The following ANAPC10 variants were observed in gnomAD, a reference collection of about 807,000 sequenced individuals.
The protein encoded by ANAPC10 is anaphase promoting complex subunit 10, also known as anaphase-promoting complex subunit 10.
A neutral mutation model predicts 22.0 loss-of-function variants in ANAPC10; 12 were observed. The ratio of observed to expected loss-of-function variants is 0.55; its 90% CI spans 0.35 to 0.88. The LOEUF (loss-of-function observed/expected upper bound fraction) is 0.88. ANAPC10 is among the 40% of genes least tolerant of loss of function. ANAPC10 has a pLI of 0.01. For synonymous variants in ANAPC10, 65 were observed against 69.5 expected (o/e 0.94, Z 0.32); for missense variants, 188 against 220.9 (o/e 0.85, Z 0.94).
At chr4:145,087,260 T>C (rs1027624821) in intron 2 of ANAPC10, among the ~76,000 whole-genome samples, 9 of 152,294 alleles carry the variant, frequency 5.9e-5, no homozygotes, top group Non-Finnish European at 1.2e-4. Context: ...GAGACATATT[T>C]GAGCAGCCCA....
chr4:145,067,318 A>G (rs1246467630), intron 3 of ANAPC10, among the ~76,000 whole-genome samples: 1 of 152,178 alleles, frequency 6.6e-6, no homozygotes, highest in Non-Finnish European at 1.5e-5. Context: ...AATGCTCACT[A>G]TACGCCAGGC....
At chr4:145,052,137 G>A (rs551897560) in intron 4 of ANAPC10, among the ~76,000 whole-genome samples, 4 of 152,218 alleles carry the variant, frequency 2.6e-5, no homozygotes, top group South Asian at 2.1e-4. Context: ...GATGTTGGTC[G>A]AAGGACATAA....
chr4:145,066,347 GAAA>G (rs1260772398), intron 3 of ANAPC10, among the ~76,000 whole-genome samples: 1 of 152,144 alleles, frequency 6.6e-6, no homozygotes, highest in South Asian at 2.1e-4. Context: ...TGCTGAGCCA[GAAA>G]GGAGACAGGA....
intron 3 of ANAPC10, among the ~76,000 whole-genome samples, chr4:145,077,828 C>A (rs1407239193): frequency 6.6e-6 from 1 of 152,120 alleles, no homozygotes; most frequent in African/African-American, 2.4e-5. Flanking sequence ...CAACAATCAT[C>A]ATGTTAAAAA....
At chr4:145,090,137 C>A (rs1449764532) in intron 2 of ANAPC10, among the ~76,000 whole-genome samples, 1 of 152,152 alleles carries the variant, frequency 6.6e-6, no homozygotes, top group East Asian at 1.9e-4. Context: ...AGGATTGGTA[C>A]CAGGACCTCT....
chr4:145,089,702 T>C (rs1238251815), intron 2 of ANAPC10, among the ~76,000 whole-genome samples: 19 of 152,168 alleles, frequency 1.2e-4, no homozygotes, highest in Admixed American at 7.9e-4. Flanking sequence ...TGCAAAGCCA[T>C]GTGCCACCTA....
intron 3 of ANAPC10, among the ~76,000 whole-genome samples, chr4:145,078,773 G>A (rs1010769550): frequency 1.3e-5 from 2 of 152,082 alleles, no homozygotes; most frequent in Admixed American, 6.5e-5. Context: ...ACAAGCAAAG[G>A]GGAAGGAACT....
intron 2 of ANAPC10, among the ~76,000 whole-genome samples, chr4:145,095,414 T>C (rs975166456): frequency 1.3e-5 from 2 of 152,188 alleles, no homozygotes; most frequent in Non-Finnish European, 2.9e-5. Context: ...ATCCACCACT[T>C]TGTCCAGCAT....
intron 4 of ANAPC10, among the ~76,000 whole-genome samples, chr4:145,052,116 G>A (rs1741193257): frequency 6.6e-6 from 1 of 152,122 alleles, no homozygotes; most frequent in Non-Finnish European, 1.5e-5. Flanking sequence ...GAGTAAGGGG[G>A]ACAGTTGGGA....
chr4:145,066,931 A>T, intron 3 of ANAPC10, among the ~76,000 whole-genome samples: 1 of 152,292 alleles, frequency 6.6e-6, no homozygotes, highest in Non-Finnish European at 1.5e-5. Context: ...TTCAATAGTC[A>T]TTGATACGAG....
intron 4 of ANAPC10, among the ~76,000 whole-genome samples, chr4:145,023,027 A>G (rs80301628): frequency 0.017 from 2,528 of 152,230 alleles, 72 homozygotes; most frequent in African/African-American, 0.057. Flanking sequence ...TAACAGCCAG[A>G]TTATCAAAAT....
intron 4 of ANAPC10, among the ~76,000 whole-genome samples, chr4:145,027,935 C>G (rs548481365): frequency 6.6e-6 from 1 of 152,042 alleles, no homozygotes; most frequent in Non-Finnish European, 1.5e-5. Flanking sequence ...GAAGGAAATT[C>G]CCAGGATGAT....
chr4:145,016,156 A>G (rs1735094476), intron 4 of ANAPC10, among the ~76,000 whole-genome samples: 1 of 152,192 alleles, frequency 6.6e-6, no homozygotes, highest in Admixed American at 6.5e-5. Flanking sequence ...AGGGTATTCA[A>G]TTAGGAAAAG....
At chr4:145,014,781 A>C (rs940850334) in intron 4 of ANAPC10, among the ~76,000 whole-genome samples, 5 of 152,180 alleles carry the variant, frequency 3.3e-5, no homozygotes, top group African/African-American at 1.2e-4. Flanking sequence ...GACAATGCCC[A>C]GTACCAGTCC....
At chr4:145,029,729 CT>C (rs1348377419) in intron 4 of ANAPC10, among the ~76,000 whole-genome samples, 1 of 152,044 alleles carries the variant, frequency 6.6e-6, no homozygotes. Flanking sequence ...CCTGATCTCC[CT>C]TTGTTTAATG....
At chr4:144,996,898 C>T (rs1007821450) in intron 4 of ANAPC10, among the ~76,000 whole-genome samples, 2 of 151,990 alleles carry the variant, frequency 1.3e-5, no homozygotes, top group Non-Finnish European at 2.9e-5. Flanking sequence ...CTTAAATGAC[C>T]CCATGAAGCT....
At chr4:145,018,463 A>T (rs953360761) in intron 4 of ANAPC10, among the ~76,000 whole-genome samples, 5 of 151,886 alleles carry the variant, frequency 3.3e-5, no homozygotes, top group South Asian at 4.2e-4. Flanking sequence ...GTGAAACCCC[A>T]TCTCTACTAA....
intron 3 of ANAPC10, among the ~76,000 whole-genome samples, chr4:145,068,147 A>C (rs1000189363): frequency 3.9e-5 from 6 of 152,332 alleles, no homozygotes; most frequent in East Asian, 3.9e-4. Context: ...CTCCTCTTAC[A>C]CGAAGAGGTA....
intron 4 of ANAPC10, among the ~76,000 whole-genome samples, chr4:145,041,053 C>G (rs1325397526): frequency 6.6e-6 from 1 of 152,114 alleles, no homozygotes; most frequent in Non-Finnish European, 1.5e-5. Context: ...CTCCCCAACC[C>G]AATGACCCAC....
Sources: allele counts gnomAD v4.1 joint callset (sites outside exome capture counted in the v4.1 genomes callset), GRCh38; gene constraint gnomAD v4.1.1; transcripts MANE v1.5; gene names NCBI Gene and HGNC (gene_info 2026-07-23, HGNC 2026-07-21).